NR3C1: variants seen among roughly 807,000 people sequenced by gnomAD.
The protein encoded by NR3C1 is nuclear receptor subfamily 3 group C member 1.
A neutral mutation model predicts 74.0 loss-of-function variants in NR3C1; 14 were observed. The ratio of observed to expected loss-of-function variants is 0.19; its 90% CI spans 0.12 to 0.30. The LOEUF (loss-of-function observed/expected upper bound fraction) is 0.30, where lower values mean the gene tolerates loss of function less well. Ranked by LOEUF, NR3C1 falls within the 10% of genes least tolerant of loss-of-function variation. The pLI is 1.00. For missense variants in NR3C1, 695 were observed against 909.8 expected (o/e 0.76, Z 3.04); for synonymous variants, 308 against 332.5 (o/e 0.93, Z 0.80).
intron 2 of NR3C1, among the ~76,000 whole-genome samples, chr5:143,339,743 A>C (rs1046799066): frequency 1.3e-5 from 2 of 152,180 alleles, no homozygotes; most frequent in South Asian, 4.1e-4. Context: ...TCCGGACTAA[A>C]GGATTCCAGA....
chr5:143,329,494 C>A (rs1319358387), intron 2 of NR3C1, among the ~76,000 whole-genome samples: 2 of 152,158 alleles, frequency 1.3e-5, no homozygotes, highest in Non-Finnish European at 2.9e-5. Flanking sequence ...TCCCAGAACA[C>A]TATATTATAC....
intron 8 of NR3C1, 45 bp from the exon 9 acceptor site, chr5:143,282,086 G>C: frequency 6.2e-7 from 1 of 1,606,896 alleles, no homozygotes; most frequent in Non-Finnish European, 8.5e-7. Flanking sequence ...AAATTGGTCA[G>C]TGGGAACATC....
intron 2 of NR3C1, among the ~76,000 whole-genome samples, chr5:143,319,486 GATTA>G (rs1208284009): frequency 3.9e-5 from 6 of 152,146 alleles, no homozygotes; most frequent in South Asian, 2.1e-4. Flanking sequence ...GCTATAACTG[GATTA>G]ATTTTTTACA....
intron 4 of NR3C1, among the ~76,000 whole-genome samples, chr5:143,308,636 C>T (rs1820185281): frequency 6.6e-6 from 1 of 152,162 alleles, no homozygotes. Context: ...TATTTTTCAT[C>T]TATCTAATTC....
At chr5:143,286,200 T>C (rs1170247428) in intron 7 of NR3C1, among the ~76,000 whole-genome samples, 2 of 152,166 alleles carry the variant, frequency 1.3e-5, no homozygotes, top group African/African-American at 2.4e-5. Context: ...TTTGATGAAC[T>C]TGTACTTGAA....
Position 143,281,482 on chromosome 5 carries a change from G to A in NR3C1, c.*407C>T, listed in dbSNP as rs555578321. 1.7e-5 allele frequency: 4 copies of A among 229,154 alleles called. No individual in the cohort carries two copies. The highest frequency in any genetic ancestry group is 5.2e-5 in the Admixed American group (1 of 19,076). The allele number at this position is 229,154 out of a possible 1,614,324, so 14.2% of individuals were successfully genotyped here. ...AAAAATGCTATCCTAACTATACAGG[G>A]GGGGGATACACCAACAGAAAGTCTA... is the stretch of plus-strand genomic sequence containing the variant. On this transcript the variant is annotated 3_prime_UTR_variant, in exon 9 of 9. Transcript: ENST00000394464.
intron 2 of NR3C1, among the ~76,000 whole-genome samples, chr5:143,372,035 G>A (rs916978686): frequency 1.3e-5 from 2 of 152,146 alleles, no homozygotes; most frequent in African/African-American, 2.4e-5. Context: ...TACCTTAAAT[G>A]CCTTTTTCCT....
At chr5:143,307,632 A>G (rs1326642326) in intron 4 of NR3C1, among the ~76,000 whole-genome samples, 1 of 152,246 alleles carries the variant, frequency 6.6e-6, no homozygotes, top group Non-Finnish European at 1.5e-5. Flanking sequence ...TTTGAGCTTC[A>G]TTCAAAACCT....
At position 143,342,255 on chromosome 5, in the gene NR3C1, G is replaced by A. The variant is rs752383188; in HGVS notation, c.1185-28087C>T. On this transcript the variant is annotated intron_variant, in intron 2 of 8. Transcript: ENST00000394464. ...ACGGAGGCTAACTCTTGCTTAGTAC[G>A]TGGCAGGCACTATGCCAAATCATCT... Among the ~76,000 whole-genome samples, 21 of 152,120 alleles carry A rather than the reference G, an allele frequency of 1.4e-4. 1 individual carries two copies. Among genetic ancestry groups the A allele is most frequent in the Non-Finnish European group, 2.8e-4 (19 of 68,032 alleles).
Position 143,279,452 on chromosome 5 carries a change from G to A in NR3C1, c.*2437C>T. ...AATCTACGTTTTAGAAGCTCTTTTT[G>A]AAACTTAACACTGTCATTGATAAGA... On this transcript the variant is annotated 3_prime_UTR_variant, in exon 9 of 9. Transcript: ENST00000394464. The A allele has an allele frequency of 6.7e-7, 1 of 1,488,150 alleles. No individual in the cohort carries two copies. Among genetic ancestry groups the A allele is most frequent in the Non-Finnish European group, 8.9e-7 (1 of 1,125,578 alleles). The allele number at this position is 1,488,150 out of a possible 1,614,324, so 92.2% of individuals were successfully genotyped here.
chr5:143,283,181 T>C (rs2151478243), intron 7 of NR3C1, among the ~76,000 whole-genome samples: 1 of 152,358 alleles, frequency 6.6e-6, no homozygotes, highest in Non-Finnish European at 1.5e-5. Flanking sequence ...GCCAGATTTC[T>C]TGCTATAACT....
At chr5:143,434,726 A>G (rs1752031573) in exon 1 of NR3C1, 1 of 985,322 alleles carries the variant, frequency 1.0e-6, no homozygotes, top group Non-Finnish European at 1.2e-6. Flanking sequence ...GTGGCACACA[A>G]ACTGCACCTG....
In NR3C1 at chr5:143,300,787, T is replaced by C; in HGVS notation, c.1469-24A>G. The stretch of plus-strand genomic sequence containing the variant: ...AGCTGTGGGTATTTAAACAAATACA[T>C]AGAAATGAACTGTAATGGGAAGGTC... On this transcript the variant is annotated intron_variant, in intron 4 of 8. Coordinates refer to ENST00000394464, the MANE Select transcript of NR3C1 (RefSeq NM_000176.3). This position sits in a 1 kb window ranked among gnomAD's most constrained non-coding sequence, Gnocchi z 5.2. The C allele has an allele frequency of 6.2e-7, 1 of 1,606,944 alleles. No individual in the cohort carries two copies. Among genetic ancestry groups the C allele is most frequent in the Non-Finnish European group, 8.5e-7 (1 of 1,174,374 alleles).
chr5:143,322,535 A>C (rs764486888), intron 2 of NR3C1, among the ~76,000 whole-genome samples: 10 of 152,196 alleles, frequency 6.6e-5, no homozygotes, highest in Non-Finnish European at 1.5e-4. Context: ...AATAGGTAAA[A>C]ACATTTGTCT....
At chr5:143,402,246 C>CA (rs1163791099) in intron 1 of NR3C1, among the ~76,000 whole-genome samples, 3 of 152,180 alleles carry the variant, frequency 2.0e-5, no homozygotes, top group Admixed American at 1.3e-4. Flanking sequence ...CAGCTGCCTT[C>CA]AAACCCGAAA....
At chr5:143,332,479 A>T (rs919543050) in intron 2 of NR3C1, 2 of 543,066 alleles carry the variant, frequency 3.7e-6, no homozygotes, top group Admixed American at 3.5e-5. Context: ...ATGAGTTGAT[A>T]GGTACAGCAA....
upstream of NR3C1, among the ~76,000 whole-genome samples, chr5:143,405,767 C>T (rs532664996): frequency 1.3e-5 from 2 of 152,238 alleles, no homozygotes; most frequent in African/African-American, 4.8e-5. Flanking sequence ...TAACAAAACC[C>T]CCTTCTGGAC....
chr5:143,424,388 T>C (rs959630493), intron 1 of NR3C1, among the ~76,000 whole-genome samples: 1 of 152,114 alleles, frequency 6.6e-6, no homozygotes. Flanking sequence ...CTAACACAAA[T>C]ACATTACAAA....
chr5:143,332,610 G>C, intron 2 of NR3C1: 1 of 1,393,878 alleles, frequency 7.2e-7, no homozygotes, highest in Non-Finnish European at 9.9e-7. Context: ...AAAGATGGCA[G>C]TAGCAAGACA....
Sources: gnomAD v4.1 joint callset for allele counts (sites outside exome capture counted in the v4.1 genomes callset) on GRCh38, gnomAD v4.1.1 for gene constraint, Gnocchi (gnomAD v3.1) non-coding constraint, MANE v1.5 for transcripts, NCBI Gene and HGNC (gene_info 2026-07-23, HGNC 2026-07-21) for gene names.